The following POFUT2 variants were observed in gnomAD, a reference collection of about 807,000 sequenced individuals.
POFUT2 encodes GDP-fucose protein O-fucosyltransferase 2.
In POFUT2, 30 loss-of-function variants were observed where a neutral mutation model predicts 55.0. The observed-to-expected ratio is 0.55, with a 90% CI of 0.41 to 0.74. The LOEUF (loss-of-function observed/expected upper bound fraction) is 0.74, where lower values mean the gene tolerates loss of function less well. Among genes scored for constraint, POFUT2 ranks in the 30% least tolerant of loss-of-function variants. POFUT2 has a pLI of 0.00. For synonymous variants in POFUT2, 267 were observed against 231.1 expected, an observed-to-expected ratio of 1.16 and a Z score of -1.41; for missense variants, 524 against 562.6, an observed-to-expected ratio of 0.93 and a Z score of 0.69.
chr21:45,282,155 C>T lies in POFUT2; in HGVS notation c.638+194G>A, dbSNP rs1468525006. Among the ~76,000 whole-genome samples, 2 of 152,214 alleles carry T rather than the reference C, an allele frequency of 1.3e-5. No homozygotes were observed. The highest frequency in any genetic ancestry group is 2.9e-5 in the Non-Finnish European group (2 of 68,028). ...CACCCGCTGTCCACGTCACCCACTG[C>T]ACCCACTGGGCTGTTTCGCAGAGAC... On this transcript the variant is annotated intron_variant, in intron 4 of 8. Coordinates refer to ENST00000349485, the MANE Select transcript of POFUT2 (RefSeq NM_133635.6). The surrounding 1 kb of genome is among the most constrained non-coding windows in gnomAD (Gnocchi z 4.6).
intron 7 of POFUT2, among the ~76,000 whole-genome samples, chr21:45,268,173 C>T (rs899002745): frequency 3.5e-4 from 54 of 152,302 alleles, no homozygotes; most frequent in African/African-American, 1.2e-3. Context: ...TTGGTGGAGA[C>T]GGGGTTTCGC....
chr21:45,269,659 G>A (rs1322911273), intron 7 of POFUT2, among the ~76,000 whole-genome samples, 180 bp downstream of exon 7: 3 of 151,952 alleles, frequency 2.0e-5, no homozygotes, highest in African/African-American at 7.3e-5. Flanking sequence ...GCGGAAGGCC[G>A]CAGGGTCCTC....
rs1340114423 is a variant in POFUT2, at chr21:45,270,056, G to C, written c.832-37C>G. The C allele has an allele frequency of 1.1e-5, 16 of 1,479,686 alleles. No homozygotes were observed. The highest frequency in any genetic ancestry group is 1.3e-5 in the Non-Finnish European group (15 of 1,118,692). The allele number at this position is 1,479,686 out of a possible 1,614,324, so 91.7% of individuals were successfully genotyped here. On this transcript the variant is annotated intron_variant, in intron 6 of 8. Coordinates refer to ENST00000349485, the MANE Select transcript of POFUT2 (RefSeq NM_133635.6). The surrounding 1 kb of genome is among the most constrained non-coding windows in gnomAD (Gnocchi z 4.6). The stretch of plus-strand genomic sequence containing the variant: ...CCACAAGGAAATGCAGAAGCTGACA[G>C]GCGGGCTCGGGGCTCATCCTGGGCA...
rs954536732 is a variant in POFUT2, at chr21:45,263,995, T to C, written c.*1487A>G. On this transcript the variant is annotated 3_prime_UTR_variant, in exon 9 of 9. Coordinates refer to ENST00000349485, the MANE Select transcript of POFUT2 (RefSeq NM_133635.6). Reference sequence around the variant, plus strand: ...GTACATGGTCACAGTCCAAAATGTTTTATACAGCTCTCAGCCTGGAAAATG... The same window carrying C: ...GTACATGGTCACAGTCCAAAATGTTCTATACAGCTCTCAGCCTGGAAAATG... 6.6e-6 allele frequency: 1 copy of C among 152,306 alleles called. No homozygotes were observed. Among genetic ancestry groups the C allele is most frequent in the Non-Finnish European group, 1.5e-5 (1 of 68,076 alleles). The allele number at this position is 152,306 out of a possible 1,614,324, so 9.4% of individuals were successfully genotyped here.
chr21:45,265,282 C>CA lies in POFUT2; in HGVS notation c.*199_*200insT. 1 of 438,392 alleles carries CA rather than the reference C, an allele frequency of 2.3e-6. No individual in the cohort carries two copies. The allele number at this position is 438,392 out of a possible 1,614,324, so 27.2% of individuals were successfully genotyped here. ...GCCACCCCCGAGAGCAGCGGAGCCT[C>CA]TTCATCAGCCATGGCGGCTGGCAAC... On this transcript the variant is annotated 3_prime_UTR_variant, in exon 9 of 9. Transcript: ENST00000349485. This position sits in a 1 kb window ranked among gnomAD's most constrained non-coding sequence, Gnocchi z 4.6.
Position 45,265,285 on chromosome 21 carries a change from C to A in POFUT2, c.*197G>T. 1 of 438,500 alleles carries A rather than the reference C, an allele frequency of 2.3e-6. No individual in the cohort carries two copies. 27.2% of individuals were successfully genotyped at this position (438,500 alleles called of 1,614,324 possible). On this transcript the variant is annotated 3_prime_UTR_variant, in exon 9 of 9. Transcript: ENST00000349485. This position sits in a 1 kb window ranked among gnomAD's most constrained non-coding sequence, Gnocchi z 4.6. The stretch of plus-strand genomic sequence containing the variant: ...ACCCCCGAGAGCAGCGGAGCCTCTT[C>A]ATCAGCCATGGCGGCTGGCAACGCC...
Position 45,285,463 on chromosome 21 carries a change from G to A in POFUT2, c.382+215C>T, listed in dbSNP as rs774090271. On this transcript the variant is annotated intron_variant, in intron 2 of 8. Coordinates refer to ENST00000349485, the MANE Select transcript of POFUT2 (RefSeq NM_133635.6). The surrounding 1 kb of genome is among the most constrained non-coding windows in gnomAD (Gnocchi z 4.9). ...GCTCATCCACTTCAGGTCCATTTCC[G>A]AGAAACATTTTGGGAAGCTCACTGC... 1.1e-5 allele frequency: 7 copies of A among 633,980 alleles called. No individual in the cohort carries two copies. The highest frequency in any genetic ancestry group is 6.3e-5 in the South Asian group (4 of 63,532). 39.3% of individuals were successfully genotyped at this position (633,980 alleles called of 1,614,324 possible).
In POFUT2 at chr21:45,287,863, T is replaced by C. The variant is rs764184453; in HGVS notation, c.9A>G (p.Thr3=). The part of the protein sequence containing the change: MA[T]LSFVFLLLGA... ...CCAGCAGCAGGAAGACGAAGCTGAG[T>C]GTCGCCATGGCCCCGGGCGGCCACG... Residue 3 remains threonine, a synonymous_variant, in exon 1 of 9, where the codon ACA becomes ACG. Transcript: ENST00000349485. The C allele has an allele frequency of 9.4e-6, 13 of 1,389,516 alleles. No homozygotes were observed. Among genetic ancestry groups the C allele is most frequent in the South Asian group, 4.7e-5 (3 of 63,870 alleles). 86.1% of individuals were successfully genotyped at this position (1,389,516 alleles called of 1,614,324 possible).
At position 45,264,989 on chromosome 21, in the gene POFUT2, A is replaced by G. The variant is rs2838860; in HGVS notation, c.*493T>C. On this transcript the variant is annotated 3_prime_UTR_variant, in exon 9 of 9. Transcript: ENST00000349485. ...TCCTGCTGCGCGGAGGGCAACGGAG[A>G]GATTCATGAGGCCCCTGGTCGCTCT... 0.39 allele frequency: 59,314 copies of G among 152,726 alleles called. 11,800 individuals are homozygous for G. Among genetic ancestry groups the G allele is most frequent in the South Asian group, 0.54 (2,626 of 4,870 alleles). The allele number at this position is 152,726 out of a possible 1,614,324, so 9.5% of individuals were successfully genotyped here.
chr21:45,274,629 A>G (rs187501625), intron 6 of POFUT2, among the ~76,000 whole-genome samples: 1 of 152,328 alleles, frequency 6.6e-6, no homozygotes, highest in African/African-American at 2.4e-5. Context: ...AGACCAGTGG[A>G]GCAGAAGAGA....
chr21:45,271,832 C>T (rs986199130), intron 6 of POFUT2, among the ~76,000 whole-genome samples: 15 of 152,144 alleles, frequency 9.9e-5, no homozygotes, highest in Non-Finnish European at 1.5e-4. Flanking sequence ...TCATCTTTTT[C>T]AGACAAACAA....
chr21:45,266,381 G>C, intron 8 of POFUT2: 1 of 1,246,580 alleles, frequency 8.0e-7, no homozygotes, highest in Non-Finnish European at 1.0e-6. Flanking sequence ...CCACACACAG[G>C]GGCCTGCCAG....
chr21:45,277,699 G>A lies in POFUT2; in HGVS notation c.705+404C>T, dbSNP rs914213. Reference sequence around the variant, plus strand: ...CTCACAGAACCAGGGGTGGCTATGGGAAGTCACCCCATCAATGCGGAAATC... The same window carrying A: ...CTCACAGAACCAGGGGTGGCTATGGAAAGTCACCCCATCAATGCGGAAATC... On this transcript the variant is annotated intron_variant, in intron 5 of 8. Transcript: ENST00000349485. The surrounding 1 kb of genome is among the most constrained non-coding windows in gnomAD (Gnocchi z 6.9). 222,182 of 222,184 alleles carry A rather than the reference G, an allele frequency of 1. 111,090 individuals carry two copies. Among genetic ancestry groups the A allele is most frequent in the Middle Eastern group, 1 (548 of 548 alleles). 13.8% of individuals were successfully genotyped at this position (222,184 alleles called of 1,614,324 possible).
At chr21:45,286,629 C>G (rs986214929) in intron 1 of POFUT2, among the ~76,000 whole-genome samples, 2 of 152,236 alleles carry the variant, frequency 1.3e-5, no homozygotes, top group South Asian at 4.1e-4. Flanking sequence ...CCAGGACACA[C>G]TTTAAGATCA....
At position 45,285,894 on chromosome 21, in the gene POFUT2, A is replaced by G; in HGVS notation, c.166T>C (p.Phe56Leu). Reference sequence around the variant, plus strand: ...ATATAGACATCCCTGCGCAGGTTGAAGCCTTCCGGGGGGTTGACGTCATAC... The same window carrying G: ...ATATAGACATCCCTGCGCAGGTTGAGGCCTTCCGGGGGGTTGACGTCATAC... ...LLYDVNPPEG[F>L]NLRRDVYIRI... is the part of the protein sequence containing the mutation. Residue 56 changes from phenylalanine (F) to leucine (L), a missense_variant, in exon 2 of 9, where the codon TTC becomes CTC. This residue lies in a region of POFUT2 where 274 missense variants were observed against 244.4 expected (regional missense o/e 1.12). Coordinates refer to ENST00000349485, the MANE Select transcript of POFUT2 (RefSeq NM_133635.6). The surrounding 1 kb of genome is among the most constrained non-coding windows in gnomAD (Gnocchi z 4.9). The G allele has an allele frequency of 6.2e-7, 1 of 1,612,100 alleles. No individual in the cohort carries two copies.
At position 45,285,169 on chromosome 21, in the gene POFUT2, AC is replaced by A. The variant is rs1482454624; in HGVS notation, c.382+508del. ...ACCTTTATCTCTTCCAAACAACGCA[AC>A]ACAAAAAGCTCTAAATACCTTCATT... On this transcript the variant is annotated intron_variant, in intron 2 of 8. Transcript: ENST00000349485. This position sits in a 1 kb window ranked among gnomAD's most constrained non-coding sequence, Gnocchi z 4.9. 6 of 173,430 alleles carry A rather than the reference AC, an allele frequency of 3.5e-5. No homozygotes were observed. Among genetic ancestry groups the A allele is most frequent in the African/African-American group, 1.2e-4 (5 of 41,922 alleles). The allele number at this position is 173,430 out of a possible 1,614,324, so 10.7% of individuals were successfully genotyped here.
intron 6 of POFUT2, among the ~76,000 whole-genome samples, chr21:45,276,045 C>T (rs928997256): frequency 1.1e-4 from 16 of 151,990 alleles, no homozygotes; most frequent in African/African-American, 2.4e-4. Flanking sequence ...AAAAATTAGC[C>T]GGGTGCGGTG....
At chr21:45,272,703 C>A (rs1207988461) in intron 6 of POFUT2, among the ~76,000 whole-genome samples, 1 of 151,964 alleles carries the variant, frequency 6.6e-6, no homozygotes, top group Admixed American at 6.6e-5. Flanking sequence ...TGTCAAGTAC[C>A]CTCTCAGACC....
chr21:45,278,465 A>T (rs1422384691), intron 4 of POFUT2, among the ~76,000 whole-genome samples: 1 of 152,212 alleles, frequency 6.6e-6, no homozygotes, highest in African/African-American at 2.4e-5. Flanking sequence ...AAGGCTTGGA[A>T]TCCAGGATCC....
Sources: gnomAD v4.1 joint callset for allele counts (sites outside exome capture counted in the v4.1 genomes callset) on GRCh38, gnomAD v4.1.1 for gene constraint, gnomAD v4.1.1 regional missense constraint, Gnocchi (gnomAD v3.1) non-coding constraint, MANE v1.5 for transcripts, NCBI Gene and HGNC (gene_info 2026-07-23, HGNC 2026-07-21) for gene names.